CHRNA7: variants seen among roughly 807,000 people sequenced by gnomAD.
CHRNA7 encodes cholinergic receptor nicotinic alpha 7 subunit, also known as neuronal acetylcholine receptor subunit alpha-7.
A neutral mutation model predicts 48.0 loss-of-function variants in CHRNA7; 17 were observed. The ratio of observed to expected loss-of-function variants is 0.35; its 90% CI spans 0.24 to 0.53. CHRNA7 has a LOEUF of 0.53. Among genes scored for constraint, CHRNA7 ranks in the 20% least tolerant of loss-of-function variants. CHRNA7 has a pLI of 0.92. For synonymous variants in CHRNA7, 75 were observed against 242.3 expected (o/e 0.31, Z 6.41); for missense variants, 155 against 577.7 (o/e 0.27, Z 7.50).
intron 2 of CHRNA7, chr15:32,098,665 T>A (rs906846551): frequency 2.6e-5 from 4 of 152,088 alleles, no homozygotes; most frequent in African/African-American, 9.7e-5. Context: ...CATACTGTGG[T>A]ATTGCAGGAT....
At chr15:32,041,907 A>T (rs1482847263) in intron 2 of CHRNA7, among the ~76,000 whole-genome samples, 1 of 152,078 alleles carries the variant, frequency 6.6e-6, no homozygotes, top group Non-Finnish European at 1.5e-5. Flanking sequence ...TTCTTGCATG[A>T]TGTCTGCTTT....
chr15:32,133,288 G>A (rs907090957), intron 4 of CHRNA7, among the ~76,000 whole-genome samples: 2 of 152,160 alleles, frequency 1.3e-5, no homozygotes, highest in Non-Finnish European at 2.9e-5. Context: ...TTTAGAAATG[G>A]ACATACTTTT....
chr15:32,137,345 C>CA (rs2051290465), intron 4 of CHRNA7, among the ~76,000 whole-genome samples: 1 of 147,510 alleles, frequency 6.8e-6, no homozygotes, highest in Non-Finnish European at 1.5e-5. Flanking sequence ...ACCCCCCCCC[C>CA]ACACAAACAC....
intron 2 of CHRNA7, among the ~76,000 whole-genome samples, chr15:32,058,469 G>A (rs8027814): frequency 0.57 from 86,772 of 152,078 alleles, 28,636 homozygotes; most frequent in Non-Finnish European, 0.73. Context: ...TTGATGTGTC[G>A]GCACAAGGCA....
At chr15:32,144,778 G>C (rs1227387175) in intron 4 of CHRNA7, among the ~76,000 whole-genome samples, 1 of 152,100 alleles carries the variant, frequency 6.6e-6, no homozygotes, top group Non-Finnish European at 1.5e-5. Flanking sequence ...GGTCATTTCA[G>C]GTCTTCTCTA....
chr15:32,057,208 A>G (rs1379998107), intron 2 of CHRNA7, among the ~76,000 whole-genome samples: 4 of 152,210 alleles, frequency 2.6e-5, no homozygotes, highest in African/African-American at 9.7e-5. Flanking sequence ...GAACTCAAAG[A>G]TGGGAGATAG....
chr15:32,081,429 G>C (rs561959558), intron 2 of CHRNA7, among the ~76,000 whole-genome samples: 1 of 151,970 alleles, frequency 6.6e-6, no homozygotes, highest in African/African-American at 2.4e-5. Flanking sequence ...TATTTTACCT[G>C]CTTTCCTATA....
At chr15:32,104,578 G>C (rs184823034) in intron 3 of CHRNA7, among the ~76,000 whole-genome samples, 1 of 152,230 alleles carries the variant, frequency 6.6e-6, no homozygotes, top group East Asian at 1.9e-4. Flanking sequence ...CACAGTGTGG[G>C]GGACAGGGCT....
chr15:32,047,765 G>T (rs1166307435), intron 2 of CHRNA7, among the ~76,000 whole-genome samples: 1 of 152,202 alleles, frequency 6.6e-6, no homozygotes, highest in Non-Finnish European at 1.5e-5. Context: ...CAAAGGGAAT[G>T]CTTCCAGTTT....
chr15:32,137,705 T>C (rs2051297906), intron 4 of CHRNA7, among the ~76,000 whole-genome samples: 1 of 152,206 alleles, frequency 6.6e-6, no homozygotes, highest in South Asian at 2.1e-4. Flanking sequence ...GATATCTAAA[T>C]GTGAATAAAA....
chr15:32,148,184 G>A (rs760663796), intron 4 of CHRNA7, among the ~76,000 whole-genome samples: 31 of 152,230 alleles, frequency 2.0e-4, no homozygotes, highest in Non-Finnish European at 3.2e-4. Flanking sequence ...GCAGGACAGA[G>A]TGCCTGGATT....
chr15:32,040,250 G>A (rs1606659), intron 2 of CHRNA7, among the ~76,000 whole-genome samples: 40,011 of 151,868 alleles, frequency 0.26, 6,438 homozygotes, highest in East Asian at 0.61. Context: ...AGTGATTGTC[G>A]ATATAGTTGG....
chr15:32,087,347 T>C (rs1200245410), intron 2 of CHRNA7, among the ~76,000 whole-genome samples: 1 of 152,200 alleles, frequency 6.6e-6, no homozygotes, highest in African/African-American at 2.4e-5. Flanking sequence ...ATTTTCCTTC[T>C]TTCTGGCTCT....
At chr15:32,038,120 AT>A (rs936461033) in intron 2 of CHRNA7, among the ~76,000 whole-genome samples, 46 of 145,074 alleles carry the variant, frequency 3.2e-4, no homozygotes, top group African/African-American at 1.2e-3. Flanking sequence ...ATATGTGTAC[AT>A]GTTTACATTT....
intron 2 of CHRNA7, among the ~76,000 whole-genome samples, chr15:32,087,955 G>T (rs1369622889): frequency 6.6e-6 from 1 of 152,078 alleles, no homozygotes; most frequent in African/African-American, 2.4e-5. Flanking sequence ...CTAAGTATTT[G>T]TTTTGTATTT....
intron 3 of CHRNA7, among the ~76,000 whole-genome samples, chr15:32,106,002 A>G (rs919635196): frequency 1.3e-5 from 2 of 151,930 alleles, no homozygotes; most frequent in Admixed American, 6.6e-5. Context: ...TGTCCACAGC[A>G]TGGACATGAG....
chr15:32,042,703 GT>G (rs1305497387), intron 2 of CHRNA7, among the ~76,000 whole-genome samples: 2 of 152,090 alleles, frequency 1.3e-5, no homozygotes, highest in Non-Finnish European at 2.9e-5. Context: ...GTCCCTGTTT[GT>G]CCCCCTAATC....
chr15:32,068,761 A>AT (rs2050006700), intron 2 of CHRNA7, among the ~76,000 whole-genome samples: 1 of 152,164 alleles, frequency 6.6e-6, no homozygotes, highest in African/African-American at 2.4e-5. Flanking sequence ...CTACAGACTA[A>AT]AAAGAGCATT....
chr15:32,133,805 TGGGCACCTGGCAGAATGGAGTGCA>T (rs2051197375), intron 4 of CHRNA7, among the ~76,000 whole-genome samples: 4 of 152,160 alleles, frequency 2.6e-5, no homozygotes, highest in Admixed American at 2.6e-4. Context: ...TGTGAGGCTC[TGGGCACCTGGCAGAATGGAGTGCA>T]GGGCACCTGG....
Sources: gnomAD v4.1 joint callset for allele counts (sites outside exome capture counted in the v4.1 genomes callset) on GRCh38, gnomAD v4.1.1 for gene constraint, MANE v1.5 for transcripts, NCBI Gene and HGNC (gene_info 2026-07-23, HGNC 2026-07-21) for gene names.